The following FCRLB variants were observed in gnomAD, a reference collection of about 807,000 sequenced individuals.
The protein encoded by FCRLB is Fc receptor-like B.
In FCRLB, 34 loss-of-function variants were observed where a neutral mutation model predicts 33.6. The observed-to-expected ratio is 1.01, with a 90% confidence interval of 0.77 to 1.35. The LOEUF is 1.35. Ranked by LOEUF, FCRLB falls within the 40% of genes most tolerant of loss-of-function variation. The pLI is 0.00. For synonymous variants in FCRLB, 280 were observed against 255.9 expected (o/e 1.09, Z -0.90); for missense variants, 560 against 580.2 (o/e 0.97, Z 0.36).
chr1:161,726,800 C>A lies in FCRLB; in HGVS notation c.672C>A (p.His224Gln), dbSNP rs1683590467. The change falls in exon 7 of 8, where the codon CAC (histidine) becomes CAA (glutamine). Residue 224 changes from histidine (H) to glutamine (Q), a missense_variant. Coordinates refer to ENST00000367948, the Ensembl canonical transcript of FCRLB. This position sits in a 1 kb window ranked among gnomAD's most constrained non-coding sequence, Gnocchi z 5.2. ...TGCTGCGCTGCGACACGCGCCTGCA[C>A]CCGCAGAAGCGCGACACGCCGCTGC... The A allele has an allele frequency of 1.3e-6, 2 of 1,563,380 alleles. No homozygotes were observed. Among genetic ancestry groups the A allele is most frequent in the Admixed American group, 1.9e-5 (1 of 53,102 alleles).
rs753402437 is a variant in FCRLB, at chr1:161,726,794, C to T, written c.666C>T (p.Arg222=). ...GGGTGGTGCTGCGCTGCGACACGCG[C>T]CTGCACCCGCAGAAGCGCGACACGC... Residue 222 remains arginine (R), a synonymous_variant, in exon 7 of 8, where the codon CGC becomes CGT. Transcript: ENST00000367948. The surrounding 1 kb of genome is among the most constrained non-coding windows in gnomAD (Gnocchi z 5.2). The T allele has an allele frequency of 8.9e-6, 14 of 1,564,704 alleles. No individual in the cohort carries two copies. The highest frequency in any genetic ancestry group is 1.9e-5 in the Admixed American group (1 of 53,466).
At chr1:161,723,461 A>G in exon 5 of FCRLB, 1 of 1,614,046 alleles carries the variant, frequency 6.2e-7, no homozygotes, top group Non-Finnish European at 8.5e-7. Context: ...GATACCACCC[A>G]CTGCTCCTGG....
Position 161,722,634 on chromosome 1 carries a change from C to T in FCRLB, c.-20-19C>T. 1 of 1,612,966 alleles carries T rather than the reference C, an allele frequency of 6.2e-7. No individual in the cohort carries two copies. On this transcript the variant is annotated intron_variant, in intron 2 of 7. Coordinates refer to ENST00000367948, the Ensembl canonical transcript of FCRLB. Reference sequence around the variant, plus strand: ...CTCTGTTCCCCATCTCATGCCAGTGCATCTCCATCCTTCTGCAGCTGCTGC... The same window carrying T: ...CTCTGTTCCCCATCTCATGCCAGTGTATCTCCATCCTTCTGCAGCTGCTGC...
In FCRLB at chr1:161,726,673, C is replaced by T. The variant is rs913215495; in HGVS notation, c.575-30C>T. ...CGGGGTCGCGGAGCGGTGGACAAGC[C>T]GGCGCCGTTGCTCCCCGCCCTCTCC... On this transcript the variant is annotated intron_variant, in intron 6 of 7. Transcript: ENST00000367948. This position sits in a 1 kb window ranked among gnomAD's most constrained non-coding sequence, Gnocchi z 5.2. 9 of 1,567,580 alleles carry T rather than the reference C, an allele frequency of 5.7e-6. No homozygotes were observed. The highest frequency in any genetic ancestry group is 1.3e-5 in the African/African-American group (1 of 74,210).
chr1:161,723,373 T>C (rs1377259631), exon 5 of FCRLB: 32 of 1,613,828 alleles, frequency 2.0e-5, no homozygotes, highest in Non-Finnish European at 2.5e-5. Flanking sequence ...CCAGCTACTC[T>C]GGAGAAGCCC....
exon 8 of FCRLB, chr1:161,727,425 T>A: frequency 6.2e-7 from 1 of 1,613,182 alleles, no homozygotes; most frequent in Non-Finnish European, 8.5e-7. Context: ...GCGCCCCGAC[T>A]GCGGGGCCAC....
intron 5 of FCRLB, 35 bp from the exon 6 acceptor site, chr1:161,725,786 T>A (rs1316871518): frequency 6.4e-7 from 1 of 1,563,858 alleles, no homozygotes; most frequent in Non-Finnish European, 8.7e-7. Flanking sequence ...CTGGACTTTC[T>A]GTGGAGTCAA....
rs770891300 is a variant in FCRLB, at chr1:161,722,643, C to G, written c.-20-10C>G. On this transcript the variant is annotated splice_polypyrimidine_tract_variant and intron_variant, in intron 2 of 7. Coordinates refer to ENST00000367948, the Ensembl canonical transcript of FCRLB. ...CCATCTCATGCCAGTGCATCTCCAT[C>G]CTTCTGCAGCTGCTGCAGTCAGATC... is the stretch of plus-strand genomic sequence containing the variant. 1 of 1,613,754 alleles carries G rather than the reference C, an allele frequency of 6.2e-7. No homozygotes were observed. The highest frequency in any genetic ancestry group is 1.3e-5 in the African/African-American group (1 of 75,052).
intron 5 of FCRLB, among the ~76,000 whole-genome samples, chr1:161,725,156 A>C (rs1324554852): frequency 6.6e-6 from 1 of 152,210 alleles, no homozygotes; most frequent in Non-Finnish European, 1.5e-5. Context: ...GGACTCTGAC[A>C]CCATCCTAAG....
chr1:161,727,467 A>G, exon 8 of FCRLB: 1 of 1,614,088 alleles, frequency 6.2e-7, no homozygotes, highest in Non-Finnish European at 8.5e-7. Context: ...CCTTGGAACA[A>G]TCGGCTGGAG....
At position 161,726,212 on chromosome 1, in the gene FCRLB, C is replaced by A; in HGVS notation, c.574+125C>A. On this transcript the variant is annotated intron_variant, in intron 6 of 7. Transcript: ENST00000367948. This position sits in a 1 kb window ranked among gnomAD's most constrained non-coding sequence, Gnocchi z 5.2. ...TGCCACTTGGAGGGTTTCTCTTAGACTATGGACGCTGTCTCCTCTCCTTTG... is the reference window on the plus strand; with the variant it reads ...TGCCACTTGGAGGGTTTCTCTTAGAATATGGACGCTGTCTCCTCTCCTTTG... 2 of 1,450,256 alleles carry A rather than the reference C, an allele frequency of 1.4e-6. No homozygotes were observed. Among genetic ancestry groups the A allele is most frequent in the South Asian group, 1.2e-5 (1 of 85,764 alleles). 89.8% of individuals were successfully genotyped at this position (1,450,256 alleles called of 1,614,324 possible).
At position 161,722,618 on chromosome 1, in the gene FCRLB, CCATCTCATGCCAGTG is replaced by C; in HGVS notation, c.-20-28_-20-14del. 1 of 1,606,856 alleles carries C rather than the reference CCATCTCATGCCAGTG, an allele frequency of 6.2e-7. No homozygotes were observed. Among genetic ancestry groups the C allele is most frequent in the Non-Finnish European group, 8.5e-7 (1 of 1,174,364 alleles). On this transcript the variant is annotated intron_variant, in intron 2 of 7. Coordinates refer to ENST00000367948, the Ensembl canonical transcript of FCRLB. Reference sequence around the variant, plus strand: ...TGGCCACATTCTTTCTCTCTGTTCCCCATCTCATGCCAGTGCATCTCCATCCTTCTGCAGCTGCTG... The same window carrying C: ...TGGCCACATTCTTTCTCTCTGTTCCCCATCTCCATCCTTCTGCAGCTGCTG...
chr1:161,727,791 G>A, exon 8 of FCRLB: 2 of 1,161,604 alleles, frequency 1.7e-6, no homozygotes, highest in South Asian at 1.7e-5. Flanking sequence ...GAGCGCCCAC[G>A]AAGTGTAGTG....
At chr1:161,722,484 G>C (rs1365960838) in intron 2 of FCRLB, among the ~76,000 whole-genome samples, 169 bp from the exon 3 acceptor site, 1 of 152,216 alleles carries the variant, frequency 6.6e-6, no homozygotes, top group African/African-American at 2.4e-5. Flanking sequence ...CCTGGCACTT[G>C]GGATACCTGA....
intron 5 of FCRLB, among the ~76,000 whole-genome samples, chr1:161,724,843 G>A (rs1683488028): frequency 6.6e-6 from 1 of 152,188 alleles, no homozygotes; most frequent in Admixed American, 6.5e-5. Flanking sequence ...GGGTAATTAT[G>A]AGGTGCTGTA....
intron 5 of FCRLB, among the ~76,000 whole-genome samples, chr1:161,724,317 C>T (rs1683471107): frequency 2.6e-5 from 4 of 151,292 alleles, no homozygotes; most frequent in Admixed American, 2.0e-4. Context: ...TTGCTGGGCA[C>T]GGTGGCTCAA....
At position 161,726,039 on chromosome 1, in the gene FCRLB, G is replaced by T; in HGVS notation, c.526G>T (p.Val176Leu). The T allele has an allele frequency of 6.2e-7, 1 of 1,613,480 alleles. No individual in the cohort carries two copies. Among genetic ancestry groups the T allele is most frequent in the Non-Finnish European group, 8.5e-7 (1 of 1,179,556 alleles). Residue 176 changes from valine (V) to leucine (L), a missense_variant, in exon 6 of 8, where the codon GTG (valine) becomes TTG (leucine). Physicochemically the swap from Val to Leu is conservative, Grantham distance 32. Coordinates refer to ENST00000367948, the Ensembl canonical transcript of FCRLB. This position sits in a 1 kb window ranked among gnomAD's most constrained non-coding sequence, Gnocchi z 5.2. ...GTGCTCGGGCACCATGCGCATCCCG[G>T]TGGAGAGCGCGCCCATGTTCTCCGC...
At chr1:161,723,111 T>TATCCC in intron 4 of FCRLB, 102 bp downstream of exon 4, 1 of 1,427,450 alleles carries the variant, frequency 7.0e-7, no homozygotes, top group Non-Finnish European at 9.8e-7. Context: ...TGCGCTGGGA[T>TATCCC]AGTGTCTCTT....
chr1:161,727,896 C>A, exon 8 of FCRLB: 1 of 526,482 alleles, frequency 1.9e-6, no homozygotes, highest in Non-Finnish European at 3.3e-6. Context: ...CTGTTATTTA[C>A]TACATTGTGA....
Sources: allele counts gnomAD v4.1 joint callset (sites outside exome capture counted in the v4.1 genomes callset), GRCh38; gene constraint gnomAD v4.1.1; non-coding constraint Gnocchi (gnomAD v3.1); transcripts MANE v1.5; gene names NCBI Gene and HGNC (gene_info 2026-07-23, HGNC 2026-07-21).